The following PCDHGB2 variants were observed in gnomAD, a reference collection of about 807,000 sequenced individuals.
PCDHGB2 encodes the protein protocadherin gamma-B2.
In PCDHGB2, 55 loss-of-function variants were observed where a neutral mutation model predicts 59.3. The observed-to-expected ratio is 0.93, with a 90% confidence interval of 0.75 to 1.16. PCDHGB2 has a LOEUF of 1.16. Ranked by LOEUF, PCDHGB2 falls within the 50% of genes most tolerant of loss-of-function variation. The pLI, the probability that PCDHGB2 is intolerant of heterozygous loss-of-function variation, is 0.00. For synonymous variants in PCDHGB2, 516 were observed against 512.0 expected, an observed-to-expected ratio of 1.01 and a Z score of -0.11; for missense variants, 1,228 against 1,198.5, an observed-to-expected ratio of 1.02 and a Z score of -0.36.
intron 1 of PCDHGB2, chr5:141,478,260 T>C (rs1340624663): frequency 6.2e-7 from 1 of 1,614,182 alleles, no homozygotes; most frequent in East Asian, 2.2e-5. Context: ...GTAATCATAT[T>C]CAAAGTTTAC....
chr5:141,507,287 C>G (rs79707942), intron 3 of PCDHGB2: 1 of 148,974 alleles, frequency 6.7e-6, no homozygotes, highest in East Asian at 1.9e-4. Context: ...AAGTCAGTCT[C>G]AAATGTTGCA....
At chr5:141,371,758 C>T (rs2149991096) in intron 1 of PCDHGB2, 2 of 1,614,030 alleles carry the variant, frequency 1.2e-6, no homozygotes, top group Non-Finnish European at 8.5e-7. Flanking sequence ...TTCCACCAGG[C>T]CTCCTACACC....
intron 1 of PCDHGB2, chr5:141,408,616 A>C (rs1242634693): frequency 6.2e-7 from 1 of 1,614,052 alleles, no homozygotes. Flanking sequence ...AAAAGGAAAT[A>C]CATTTAGAAA....
chr5:141,480,224 T>G (rs2099514647), intron 1 of PCDHGB2, among the ~76,000 whole-genome samples: 1 of 146,584 alleles, frequency 6.8e-6, no homozygotes, highest in Non-Finnish European at 1.5e-5. Context: ...AGCGACATAG[T>G]GAGATCCTGT....
chr5:141,480,250 A>T (rs2099515553), intron 1 of PCDHGB2, among the ~76,000 whole-genome samples: 2 of 151,988 alleles, frequency 1.3e-5, no homozygotes, highest in African/African-American at 4.8e-5. Context: ...CAAAAAAAAA[A>T]AAAAATGTGT....
Position 141,372,293 on chromosome 5 carries a change from C to A in PCDHGB2, c.2421+9737C>A, listed in dbSNP as rs779422890. Reference sequence around the variant, plus strand: ...AGGTGCGCACGGCGCGTACCTTGGGCGACAGGGAGGCCGCCCGCCAGCGCC... The same window carrying A: ...AGGTGCGCACGGCGCGTACCTTGGGAGACAGGGAGGCCGCCCGCCAGCGCC... On this transcript the variant is annotated intron_variant, in intron 1 of 3. Coordinates refer to ENST00000522605, the MANE Select transcript of PCDHGB2 (RefSeq NM_018923.3). 1.9e-6 allele frequency: 3 copies of A among 1,613,106 alleles called. No homozygotes were observed. In the East Asian group the frequency reaches 6.7e-5, roughly 36 times the overall value.
chr5:141,393,794 T>C, intron 1 of PCDHGB2: 1 of 1,613,934 alleles, frequency 6.2e-7, no homozygotes, highest in South Asian at 1.1e-5. Flanking sequence ...TGGGGGCACT[T>C]CTGGGGAGGA....
chr5:141,504,379 G>A lies in PCDHGB2; in HGVS notation c.2481-1014G>A, dbSNP rs181617363. On this transcript the variant is annotated intron_variant, in intron 2 of 3. Transcript: ENST00000522605. ...GCTTCAGTAGGAAGCAGGTGGAGTC[G>A]CTGCCTCACAGAAGCCAGTGTGGTG... Among the ~76,000 whole-genome samples the A allele has an allele frequency of 2.4e-3, 361 of 152,206 alleles. 1 individual carries two copies. The highest frequency in any genetic ancestry group is 0.021 in the Admixed American group (315 of 15,286).
rs778052844 is a variant in PCDHGB2, at chr5:141,486,259, T to C, written c.2422-8548T>C. ...CAGAGCTTGGAACCCTCCCCGAGAG[T>C]GCAGAACCTGGCACTGTGGTGGCAC... is the stretch of plus-strand genomic sequence containing the variant. On this transcript the variant is annotated intron_variant, in intron 1 of 3. Coordinates refer to ENST00000522605, the MANE Select transcript of PCDHGB2 (RefSeq NM_018923.3). This position sits in a 1 kb window ranked among gnomAD's most constrained non-coding sequence, Gnocchi z 5.0. 1 of 1,613,204 alleles carries C rather than the reference T, an allele frequency of 6.2e-7. No individual in the cohort carries two copies. The highest frequency in any genetic ancestry group is 8.5e-7 in the Non-Finnish European group (1 of 1,179,716).
At chr5:141,414,231 C>T (rs2095722548) in intron 1 of PCDHGB2, 1 of 1,613,304 alleles carries the variant, frequency 6.2e-7, no homozygotes, top group South Asian at 1.1e-5. Flanking sequence ...CAGAGCTGAC[C>T]ATCACGTCTC....
At chr5:141,396,410 G>C (rs2093377441) in intron 1 of PCDHGB2, 1 of 152,250 alleles carries the variant, frequency 6.6e-6, no homozygotes, top group Non-Finnish European at 1.5e-5. Context: ...CCTGAGGTCA[G>C]GAGTTCAAGA....
chr5:141,419,259 C>G, intron 1 of PCDHGB2: 4 of 1,614,016 alleles, frequency 2.5e-6, no homozygotes, highest in Non-Finnish European at 2.5e-6. Context: ...AACAACCAGC[C>G]GGGTGCCTCC....
intron 1 of PCDHGB2, chr5:141,374,319 C>A: frequency 6.2e-7 from 1 of 1,613,942 alleles, no homozygotes; most frequent in Non-Finnish European, 8.5e-7. Flanking sequence ...TCTCTGAATC[C>A]GCGAAACGGC....
intron 1 of PCDHGB2, among the ~76,000 whole-genome samples, chr5:141,475,285 A>G (rs2099361212): frequency 6.6e-6 from 1 of 152,244 alleles, no homozygotes; most frequent in Non-Finnish European, 1.5e-5. Context: ...AAGACAGGGT[A>G]GGGAAATTTC....
At chr5:141,368,178 A>G (rs1230488076) in intron 1 of PCDHGB2, among the ~76,000 whole-genome samples, 3 of 152,200 alleles carry the variant, frequency 2.0e-5, no homozygotes, top group Non-Finnish European at 4.4e-5. Context: ...TCAAATAATG[A>G]CTAAATAAGG....
At chr5:141,388,559 T>C in intron 1 of PCDHGB2, 1 of 1,613,890 alleles carries the variant, frequency 6.2e-7, no homozygotes, top group Non-Finnish European at 8.5e-7. Context: ...TAAGCAGCAC[T>C]GCACAGATAC....
At position 141,486,653 on chromosome 5, in the gene PCDHGB2, C is replaced by A; in HGVS notation, c.2422-8154C>A. 1 of 1,613,968 alleles carries A rather than the reference C, an allele frequency of 6.2e-7. No homozygotes were observed. Among genetic ancestry groups the A allele is most frequent in the Non-Finnish European group, 8.5e-7 (1 of 1,180,034 alleles). On this transcript the variant is annotated intron_variant, in intron 1 of 3. Coordinates refer to ENST00000522605, the MANE Select transcript of PCDHGB2 (RefSeq NM_018923.3). This position sits in a 1 kb window ranked among gnomAD's most constrained non-coding sequence, Gnocchi z 5.0. ...CTTGAATGCGCTTATCTCCTACTCA[C>A]TCCTGGAGCCCAGGAATCGAGATGT... is the stretch of plus-strand genomic sequence containing the variant.
At chr5:141,429,169 T>TACATACACACACACACAC (rs369570830) in intron 1 of PCDHGB2, 115 of 145,474 alleles carry the variant, frequency 7.9e-4, no homozygotes, top group African/African-American at 2.1e-3. Flanking sequence ...ACATTGTTTA[T>TACATACACACACACACAC]ACACACACAC....
In PCDHGB2 at chr5:141,485,956, C is replaced by T. The variant is rs1430530851; in HGVS notation, c.2422-8851C>T. 1 of 1,614,150 alleles carries T rather than the reference C, an allele frequency of 6.2e-7. No individual in the cohort carries two copies. Among genetic ancestry groups the T allele is most frequent in the South Asian group, 1.1e-5 (1 of 91,074 alleles). ...AGAGCGCACCAGCGGGCATGGTGCT[C>T]ATCCAGCTCAATGCCTCAGACCCGG... On this transcript the variant is annotated intron_variant, in intron 1 of 3. Coordinates refer to ENST00000522605, the MANE Select transcript of PCDHGB2 (RefSeq NM_018923.3). This position sits in a 1 kb window ranked among gnomAD's most constrained non-coding sequence, Gnocchi z 5.7.
Sources: allele counts gnomAD v4.1 joint callset (sites outside exome capture counted in the v4.1 genomes callset), GRCh38; gene constraint gnomAD v4.1.1; non-coding constraint Gnocchi (gnomAD v3.1); transcripts MANE v1.5; gene names NCBI Gene and HGNC (gene_info 2026-07-23, HGNC 2026-07-21).